The following HPSE2 variants were observed in gnomAD, a reference collection of about 807,000 sequenced individuals.
HPSE2 encodes inactive heparanase-2.
In HPSE2, 38 loss-of-function variants were observed where a neutral mutation model predicts 60.5. That is an observed-to-expected ratio of 0.63 (90% CI 0.48 to 0.82). The LOEUF (loss-of-function observed/expected upper bound fraction) is 0.82, where lower values mean the gene tolerates loss of function less well. HPSE2 is among the 40% of genes least tolerant of loss of function. The pLI, the probability that HPSE2 is intolerant of heterozygous loss-of-function variation, is 0.00. For synonymous variants in HPSE2, 295 were observed against 293.2 expected (o/e 1.01, Z -0.06); for missense variants, 713 against 740.4 (o/e 0.96, Z 0.43).
intron 3 of HPSE2, among the ~76,000 whole-genome samples, chr10:99,006,333 C>A (rs974979531): frequency 2.0e-5 from 3 of 152,258 alleles, no homozygotes; most frequent in East Asian, 1.9e-4. Flanking sequence ...ATCTGTTGGA[C>A]CTTGTGGCCA....
intron 3 of HPSE2, among the ~76,000 whole-genome samples, chr10:99,099,551 GCTC>G (rs1402858224): frequency 1.3e-5 from 2 of 152,214 alleles, no homozygotes; most frequent in Admixed American, 1.3e-4. Flanking sequence ...GCCTCTGTAG[GCTC>G]CAACCCTGGG....
At chr10:98,726,278 A>G (rs574585323) in intron 4 of HPSE2, among the ~76,000 whole-genome samples, 12 of 152,278 alleles carry the variant, frequency 7.9e-5, no homozygotes, top group African/African-American at 2.9e-4. Flanking sequence ...AATGTGGCAC[A>G]TATACACCAT....
At chr10:98,782,649 A>G (rs1458638744) in intron 3 of HPSE2, among the ~76,000 whole-genome samples, 1 of 79,550 alleles carries the variant, frequency 1.3e-5, no homozygotes, top group Non-Finnish European at 2.7e-5. Flanking sequence ...TATAATAATT[A>G]AGCCAATGTA....
intron 3 of HPSE2, among the ~76,000 whole-genome samples, chr10:98,799,383 G>A (rs1950854539): frequency 6.6e-6 from 1 of 152,130 alleles, no homozygotes; most frequent in East Asian, 1.9e-4. Context: ...AGATCTCTCA[G>A]ATGGAAAATC....
chr10:98,847,634 G>A (rs9665735), intron 3 of HPSE2, among the ~76,000 whole-genome samples: 1,722 of 152,294 alleles, frequency 0.011, 34 homozygotes, highest in African/African-American at 0.039. Context: ...CTATGGCAAG[G>A]GATGGAAAAA....
At chr10:98,830,777 C>G (rs1951665907) in intron 3 of HPSE2, among the ~76,000 whole-genome samples, 1 of 152,064 alleles carries the variant, frequency 6.6e-6, no homozygotes, top group Admixed American at 6.6e-5. Flanking sequence ...ACAAAGGCAC[C>G]CATTTCAGCC....
chr10:98,867,368 T>C (rs754626666), intron 3 of HPSE2, among the ~76,000 whole-genome samples: 15 of 151,350 alleles, frequency 9.9e-5, no homozygotes, highest in Admixed American at 2.0e-4. Flanking sequence ...AAAGAAGTCA[T>C]ACAAATGGCA....
At chr10:98,761,135 T>C (rs1949995170) in intron 3 of HPSE2, among the ~76,000 whole-genome samples, 1 of 152,162 alleles carries the variant, frequency 6.6e-6, no homozygotes, top group Non-Finnish European at 1.5e-5. Context: ...ATCCTTTGTA[T>C]TTCTGTGGTA....
chr10:99,267,722 GT>G, the HPSE2 span, among the ~76,000 whole-genome samples: 1 of 151,088 alleles, frequency 6.6e-6, no homozygotes, highest in South Asian at 2.1e-4. Flanking sequence ...GGAGGTTGCA[GT>G]GAGCCAAAAT....
chr10:99,159,717 A>G (rs992265048), intron 2 of HPSE2, among the ~76,000 whole-genome samples: 9 of 152,238 alleles, frequency 5.9e-5, no homozygotes, highest in Non-Finnish European at 8.8e-5. Flanking sequence ...CTAGACAAAA[A>G]TATAAGAAAA....
intron 2 of HPSE2, among the ~76,000 whole-genome samples, chr10:99,149,163 G>A (rs1846168222): frequency 1.3e-5 from 2 of 152,096 alleles, no homozygotes; most frequent in Non-Finnish European, 2.9e-5. Context: ...CAAACATTAT[G>A]GGAGTACCCA....
At chr10:99,020,998 T>C (rs1957249465) in intron 3 of HPSE2, among the ~76,000 whole-genome samples, 1 of 152,160 alleles carries the variant, frequency 6.6e-6, no homozygotes, top group Admixed American at 6.5e-5. Context: ...ATCTCCAAAG[T>C]TAAAGTAGCA....
chr10:99,104,650 T>G (rs1194688517), intron 3 of HPSE2, among the ~76,000 whole-genome samples: 2 of 152,166 alleles, frequency 1.3e-5, no homozygotes, highest in African/African-American at 4.8e-5. Context: ...CAGCAAAGAC[T>G]TGGAACCAAC....
chr10:99,283,192 A>G, the HPSE2 span, among the ~76,000 whole-genome samples: 2 of 30,992 alleles, frequency 6.5e-5, no homozygotes, highest in Non-Finnish European at 1.4e-4. Context: ...TCTCAGGTTA[A>G]AAAAAAAAAA....
chr10:98,468,562 A>ATCT (rs1426710945), intron 11 of HPSE2, among the ~76,000 whole-genome samples: 1 of 151,934 alleles, frequency 6.6e-6, no homozygotes, highest in African/African-American at 2.4e-5. Flanking sequence ...CATTATCTGC[A>ATCT]TCTCCCTTTT....
intron 3 of HPSE2, among the ~76,000 whole-genome samples, chr10:99,086,553 C>T (rs1843328461): frequency 6.6e-6 from 1 of 151,050 alleles, no homozygotes; most frequent in Non-Finnish European, 1.5e-5. Context: ...GGGGTTTCAC[C>T]GTTTTAGCTG....
At chr10:98,484,160 T>A (rs1367778761) in intron 10 of HPSE2, among the ~76,000 whole-genome samples, 2 of 152,226 alleles carry the variant, frequency 1.3e-5, no homozygotes. Flanking sequence ...GCTGACCATG[T>A]CCTTTGCCTG....
chr10:98,633,193 C>A (rs1946410821), intron 7 of HPSE2, among the ~76,000 whole-genome samples: 1 of 152,050 alleles, frequency 6.6e-6, no homozygotes, highest in Non-Finnish European at 1.5e-5. Flanking sequence ...TATTTTCTTT[C>A]TTTTTATTCC....
At chr10:99,250,529 T>C in the HPSE2 span, among the ~76,000 whole-genome samples, 1 of 152,128 alleles carries the variant, frequency 6.6e-6, no homozygotes, top group Non-Finnish European at 1.5e-5. Flanking sequence ...CAAAATACTC[T>C]GCTCATCAAC....
Sources: allele counts gnomAD v4.1 joint callset (sites outside exome capture counted in the v4.1 genomes callset), GRCh38; gene constraint gnomAD v4.1.1; transcripts MANE v1.5; gene names NCBI Gene and HGNC (gene_info 2026-07-23, HGNC 2026-07-21).